Variants in DYNC1I1 observed in about 807,000 individuals in gnomAD.
The protein encoded by DYNC1I1 is dynein cytoplasmic 1 intermediate chain 1.
Under a neutral mutation model 86.6 loss-of-function variants are expected in DYNC1I1, and 43 were observed. That is an observed-to-expected ratio of 0.50 (90% CI 0.39 to 0.64). The LOEUF is 0.64. Ranked by LOEUF, DYNC1I1 falls within the 30% of genes least tolerant of loss-of-function variation. The pLI is 0.00. For missense variants in DYNC1I1, 604 were observed against 788.8 expected (o/e 0.77, Z 2.81); for synonymous variants, 262 against 283.7 (o/e 0.92, Z 0.77).
intron 6 of DYNC1I1, among the ~76,000 whole-genome samples, chr7:95,888,383 G>C (rs1433135091): frequency 6.6e-6 from 1 of 152,184 alleles, no homozygotes; most frequent in Non-Finnish European, 1.5e-5. Context: ...GCTACAGTGA[G>C]CTGTGATCAT....
chr7:95,868,250 A>G (rs1210757110), intron 5 of DYNC1I1, among the ~76,000 whole-genome samples: 1 of 152,168 alleles, frequency 6.6e-6, no homozygotes, highest in Non-Finnish European at 1.5e-5. Context: ...TCCTCTAACC[A>G]GCGTTTGTTT....
chr7:95,788,176 G>T (rs776248941), intron 1 of DYNC1I1, among the ~76,000 whole-genome samples: 2 of 152,192 alleles, frequency 1.3e-5, no homozygotes, highest in Admixed American at 6.5e-5. Flanking sequence ...TACTATAGCA[G>T]CTGTGTGGGA....
intron 9 of DYNC1I1, among the ~76,000 whole-genome samples, chr7:95,993,732 C>T (rs1793788370): frequency 6.6e-6 from 1 of 151,922 alleles, no homozygotes; most frequent in Admixed American, 6.6e-5. Context: ...TTAGTTGAGG[C>T]TGCTGGAAGA....
At chr7:96,092,082 C>T (rs1298486310) in intron 16 of DYNC1I1, among the ~76,000 whole-genome samples, 1 of 151,876 alleles carries the variant, frequency 6.6e-6, no homozygotes, top group African/African-American at 2.4e-5. Flanking sequence ...TTTCCCTGTC[C>T]CCCGTTCATG....
At chr7:96,086,197 T>C (rs986617186) in intron 16 of DYNC1I1, among the ~76,000 whole-genome samples, 1 of 152,224 alleles carries the variant, frequency 6.6e-6, no homozygotes, top group African/African-American at 2.4e-5. Flanking sequence ...GCAGCTGTCA[T>C]AAATATCCCC....
chr7:95,905,574 G>T (rs558036201), intron 6 of DYNC1I1, among the ~76,000 whole-genome samples: 2 of 152,068 alleles, frequency 1.3e-5, no homozygotes, highest in African/African-American at 4.8e-5. Context: ...TCAAACTCAC[G>T]TGGGGTCCCT....
intron 10 of DYNC1I1, among the ~76,000 whole-genome samples, chr7:96,001,859 G>T (rs1487379819): frequency 6.6e-6 from 1 of 152,096 alleles, no homozygotes; most frequent in South Asian, 2.1e-4. Context: ...TGGTCGTGGT[G>T]GGGGAAGTAC....
chr7:95,829,631 A>G (rs1795277767), intron 5 of DYNC1I1, among the ~76,000 whole-genome samples: 1 of 152,146 alleles, frequency 6.6e-6, no homozygotes, highest in African/African-American at 2.4e-5. Flanking sequence ...ACACTTGCTG[A>G]TGTGGAATAG....
intron 16 of DYNC1I1, among the ~76,000 whole-genome samples, chr7:96,084,319 G>GGA (rs1790612110): frequency 7.0e-6 from 1 of 141,938 alleles, no homozygotes; most frequent in Non-Finnish European, 1.5e-5. Context: ...AGGCAAATCA[G>GGA]AAAAAAAAAA....
At chr7:95,784,138 T>C (rs1472378323) in intron 1 of DYNC1I1, among the ~76,000 whole-genome samples, 3 of 152,148 alleles carry the variant, frequency 2.0e-5, no homozygotes, top group Non-Finnish European at 4.4e-5. Context: ...CAGGGTCAGA[T>C]GTTCAGTCAG....
intron 6 of DYNC1I1, among the ~76,000 whole-genome samples, chr7:95,883,981 G>A (rs993922382): frequency 1.3e-5 from 2 of 151,992 alleles, no homozygotes; most frequent in African/African-American, 4.8e-5. Context: ...AGAATAAATT[G>A]TTCAATAAAA....
chr7:95,841,290 C>G (rs890962768), intron 5 of DYNC1I1, among the ~76,000 whole-genome samples: 1 of 152,146 alleles, frequency 6.6e-6, no homozygotes, highest in African/African-American at 2.4e-5. Flanking sequence ...CATTTAAACT[C>G]CCAGTGACTA....
At chr7:95,950,966 A>G (rs897011850) in intron 6 of DYNC1I1, among the ~76,000 whole-genome samples, 10 of 152,208 alleles carry the variant, frequency 6.6e-5, no homozygotes, top group African/African-American at 1.2e-4. Flanking sequence ...CCCTGAGACT[A>G]GTCTCATAAC....
At chr7:96,100,650 T>TTTTGTGTGTGTGTGTGTGTGTGTGTG (rs376786905), downstream of DYNC1I1, among the ~76,000 whole-genome samples, 1 of 142,848 alleles carries the variant, frequency 7.0e-6, no homozygotes, top group African/African-American at 2.6e-5. Context: ...TTTGAGGGTT[T>TTTTGTGTGTGTGTGTGTGTGTGTGTG]TGTGTGTGTG....
chr7:95,893,905 T>C (rs1054582028), intron 6 of DYNC1I1, among the ~76,000 whole-genome samples: 1 of 152,198 alleles, frequency 6.6e-6, no homozygotes, highest in Non-Finnish European at 1.5e-5. Context: ...GTTTGGAATC[T>C]CTTTGCAGTC....
chr7:95,909,934 A>G (rs1791285308), intron 6 of DYNC1I1, among the ~76,000 whole-genome samples: 1 of 151,918 alleles, frequency 6.6e-6, no homozygotes, highest in Non-Finnish European at 1.5e-5. Context: ...TCTTTCTCAG[A>G]TGGTCATTTT....
At chr7:95,901,934 T>C (rs1371276362) in intron 6 of DYNC1I1, among the ~76,000 whole-genome samples, 1 of 152,236 alleles carries the variant, frequency 6.6e-6, no homozygotes, top group Non-Finnish European at 1.5e-5. Context: ...GCTGAACAAA[T>C]GTTTAAGAGA....
At chr7:95,974,174 A>G (rs1393055358) in intron 6 of DYNC1I1, among the ~76,000 whole-genome samples, 3 of 151,536 alleles carry the variant, frequency 2.0e-5, no homozygotes, top group Non-Finnish European at 4.4e-5. Context: ...CCTATTTTGT[A>G]TTTTCCCCCA....
At chr7:96,027,434 C>G (rs769289297) in intron 10 of DYNC1I1, among the ~76,000 whole-genome samples, 16 of 152,208 alleles carry the variant, frequency 1.1e-4, no homozygotes, top group Non-Finnish European at 2.2e-4. Flanking sequence ...ACAAAATGTA[C>G]TGCCCAGTAG....
Sources: gnomAD v4.1 joint callset for allele counts (sites outside exome capture counted in the v4.1 genomes callset) on GRCh38, gnomAD v4.1.1 for gene constraint, MANE v1.5 for transcripts, NCBI Gene and HGNC (gene_info 2026-07-23, HGNC 2026-07-21) for gene names.